Variants in ACBD6 observed in about 807,000 individuals in gnomAD.
ACBD6 encodes acyl-CoA-binding domain-containing protein 6.
In ACBD6, 28 loss-of-function variants were observed where a neutral mutation model predicts 37.2. The ratio of observed to expected loss-of-function variants is 0.75; its 90% CI spans 0.56 to 1.03. The LOEUF (loss-of-function observed/expected upper bound fraction) is 1.03. Among genes scored for constraint, ACBD6 ranks in the 50% least tolerant of loss-of-function variants. The pLI, the probability that ACBD6 is intolerant of heterozygous loss-of-function variation, is 0.00. For missense variants in ACBD6, 340 were observed against 337.4 expected, an observed-to-expected ratio of 1.01 and a Z score of -0.06; for synonymous variants, 113 against 126.8, an observed-to-expected ratio of 0.89 and a Z score of 0.73.
chr1:180,456,263 A>C (rs929523477), intron 3 of ACBD6, among the ~76,000 whole-genome samples: 4 of 152,040 alleles, frequency 2.6e-5, no homozygotes, highest in Admixed American at 2.0e-4. Context: ...TTCTCAAAGT[A>C]GACAGATTTA....
intron 9 of ACBD6, among the ~76,000 whole-genome samples, chr1:180,280,927 T>A (rs1193636398): frequency 6.6e-6 from 1 of 152,190 alleles, no homozygotes; most frequent in Non-Finnish European, 1.5e-5. Context: ...CTATATACCA[T>A]GTTTTTGGGT....
At chr1:180,318,042 G>C (rs556263553) in intron 6 of ACBD6, among the ~76,000 whole-genome samples, 1 of 151,764 alleles carries the variant, frequency 6.6e-6, no homozygotes. Context: ...CCAGGCGTTG[G>C]TGGCTTGTGT....
chr1:180,393,122 T>A (rs547765846), intron 6 of ACBD6, among the ~76,000 whole-genome samples: 17 of 152,266 alleles, frequency 1.1e-4, no homozygotes, highest in African/African-American at 3.9e-4. Context: ...GTAAGCCATA[T>A]CCTAATCCCA....
At chr1:180,466,899 G>T (rs1414339437) in intron 3 of ACBD6, among the ~76,000 whole-genome samples, 1 of 151,984 alleles carries the variant, frequency 6.6e-6, no homozygotes, top group Non-Finnish European at 1.5e-5. Context: ...TAATGCCCCA[G>T]TTTAAGGTAA....
Position 180,425,004 on chromosome 1 carries a change from T to C in ACBD6, c.467+5176A>G, listed in dbSNP as rs183651334. 5.3e-5 allele frequency among the ~76,000 whole-genome samples: 8 copies of C among 152,310 alleles called. 1 individual carries two copies. Among genetic ancestry groups the C allele is most frequent in the Admixed American group, 3.9e-4 (6 of 15,290 alleles). On this transcript the variant is annotated intron_variant, in intron 4 of 7. Coordinates refer to ENST00000367595, the MANE Select transcript of ACBD6 (RefSeq NM_032360.4). ...GGACCCATTTTCACATAATCTATAA[T>C]TATCTCTTCGCTTTAATCGCCTTGT...
At chr1:180,378,980 C>CCAAGTAAGTTACCTGGAAGCCTA (rs1653544006) in intron 6 of ACBD6, among the ~76,000 whole-genome samples, 3 of 152,098 alleles carry the variant, frequency 2.0e-5, no homozygotes, top group Admixed American at 2.0e-4. Context: ...TTTTTGGCAC[C>CCAAGTAAGTTACCTGGAAGCCTA]CAAGTAAGTT....
intron 6 of ACBD6, among the ~76,000 whole-genome samples, chr1:180,389,273 T>C (rs1289226720): frequency 1.3e-5 from 2 of 152,240 alleles, no homozygotes; most frequent in African/African-American, 2.4e-5. Context: ...GTCCTTGTGA[T>C]AGTTTACTGA....
chr1:180,430,148 T>G, intron 4 of ACBD6, 32 bp downstream of exon 4: 1 of 1,563,338 alleles, frequency 6.4e-7, no homozygotes, highest in South Asian at 1.1e-5. Flanking sequence ...GGCATATATA[T>G]TTCTATTATC....
At chr1:180,477,193 T>C (rs1650832603) in intron 3 of ACBD6, among the ~76,000 whole-genome samples, 1 of 152,138 alleles carries the variant, frequency 6.6e-6, no homozygotes, top group Admixed American at 6.5e-5. Flanking sequence ...ATTTAAAACT[T>C]ATCAATTGGT....
chr1:180,414,166 T>A (rs759356052), intron 4 of ACBD6, among the ~76,000 whole-genome samples: 3 of 152,220 alleles, frequency 2.0e-5, no homozygotes, highest in African/African-American at 4.8e-5. Flanking sequence ...CATGTGCATT[T>A]TTCTGGATGT....
At chr1:180,330,395 G>A (rs913172234) in intron 6 of ACBD6, among the ~76,000 whole-genome samples, 3 of 151,746 alleles carry the variant, frequency 2.0e-5, no homozygotes, top group African/African-American at 7.3e-5. Flanking sequence ...ACTCCAGCCT[G>A]GGCAACAGAG....
At chr1:180,463,044 C>A (rs545170741) in intron 3 of ACBD6, among the ~76,000 whole-genome samples, 1 of 152,118 alleles carries the variant, frequency 6.6e-6, no homozygotes, top group Non-Finnish European at 1.5e-5. Context: ...AACAAAGATA[C>A]AATGTACCAG....
At chr1:180,361,864 G>C (rs1364306191) in intron 6 of ACBD6, among the ~76,000 whole-genome samples, 1 of 152,070 alleles carries the variant, frequency 6.6e-6, no homozygotes, top group African/African-American at 2.4e-5. Flanking sequence ...TTATTTTGCT[G>C]TATTTATTGA....
chr1:180,416,541 T>A (rs1648103117), intron 4 of ACBD6, among the ~76,000 whole-genome samples: 1 of 152,236 alleles, frequency 6.6e-6, no homozygotes, highest in South Asian at 2.1e-4. Context: ...TATAGATGAC[T>A]GTGAGTTATG....
chr1:180,294,509 A>G (rs1649841825), intron 7 of ACBD6, among the ~76,000 whole-genome samples: 1 of 151,916 alleles, frequency 6.6e-6, no homozygotes, highest in African/African-American at 2.4e-5. Flanking sequence ...GCACCACTGC[A>G]CTCCAGCCTG....
intron 6 of ACBD6, among the ~76,000 whole-genome samples, chr1:180,355,194 G>C (rs1272491922): frequency 1.3e-5 from 2 of 152,162 alleles, no homozygotes; most frequent in African/African-American, 4.8e-5. Context: ...CACAAATGAA[G>C]AAACTAACGC....
chr1:180,404,182 C>T (rs1647507182), intron 5 of ACBD6, among the ~76,000 whole-genome samples: 1 of 152,070 alleles, frequency 6.6e-6, no homozygotes. Context: ...AACTCCTGAC[C>T]TCAGGTGATC....
At chr1:180,419,407 C>CTTATAATGTAATTCTTAT (rs1648255421) in intron 4 of ACBD6, among the ~76,000 whole-genome samples, 1 of 152,034 alleles carries the variant, frequency 6.6e-6, no homozygotes, top group African/African-American at 2.4e-5. Context: ...TAAATGATGG[C>CTTATAATGTAATTCTTAT]ATGTTTTTCT....
rs140845232 is a variant in ACBD6 at position 180,415,949 on chromosome 1, T to C, written c.468-2478A>G. Among the ~76,000 whole-genome samples the C allele has an allele frequency of 1.9e-3, 288 of 152,340 alleles. 1 individual carries two copies. The highest frequency in any genetic ancestry group is 6.7e-3 in the African/African-American group (277 of 41,574). ...TGTTTAAGTATTTGTTTATCGTATA[T>C]AGTTTATCATCACCAAATATGCTAG... On this transcript the variant is annotated intron_variant, in intron 4 of 7. Coordinates refer to ENST00000367595, the MANE Select transcript of ACBD6 (RefSeq NM_032360.4).
Sources: allele counts gnomAD v4.1 joint callset (sites outside exome capture counted in the v4.1 genomes callset), GRCh38; gene constraint gnomAD v4.1.1; transcripts MANE v1.5; gene names NCBI Gene and HGNC (gene_info 2026-07-23, HGNC 2026-07-21).